NUP160: variants seen among roughly 807,000 people sequenced by gnomAD.
NUP160 encodes nucleoporin 160, also known as nuclear pore complex protein Nup160.
In NUP160, 94 loss-of-function variants were observed where a neutral mutation model predicts 196.9. The ratio of observed to expected loss-of-function variants is 0.48; its 90% CI spans 0.40 to 0.57. NUP160 has a LOEUF of 0.57. NUP160 is among the 20% of genes least tolerant of loss of function. The pLI, the probability that NUP160 is intolerant of heterozygous loss-of-function variation, is 0.00. For missense variants in NUP160, 1,638 were observed against 1,748.3 expected (o/e 0.94, Z 1.13); for synonymous variants, 605 against 619.7 (o/e 0.98, Z 0.35).
intron 2 of NUP160, among the ~76,000 whole-genome samples, chr11:47,846,854 C>G (rs771750362): frequency 7.9e-5 from 12 of 152,142 alleles, no homozygotes; most frequent in Non-Finnish European, 1.6e-4. Flanking sequence ...TCTGATGATC[C>G]TGCCGCCCAA....
Position 47,804,313 on chromosome 11 carries a change from T to TC in NUP160, c.2676+235dup, listed in dbSNP as rs1408762217. 4.5e-5 allele frequency: 19 copies of TC among 421,466 alleles called. No homozygotes were observed. The Admixed American group carries it at 7.7e-4, about 17-fold the overall frequency. 26.1% of individuals were successfully genotyped at this position (421,466 alleles called of 1,614,324 possible). A position where few individuals can be genotyped will look rare whatever the true frequency, so the allele number is the denominator to read the frequency against. On this transcript the variant is annotated intron_variant, in intron 21 of 35. Coordinates refer to ENST00000378460, the Ensembl canonical transcript of NUP160. ...TTTAAAAGCCTTTAGAACCAGGTAT[T>TC]CTCTCAGCCAAGTACTAACCATGCC...
intron 7 of NUP160, among the ~76,000 whole-genome samples, chr11:47,826,570 C>CCT (rs1491138492): frequency 1.3e-3 from 137 of 106,976 alleles, no homozygotes; most frequent in Non-Finnish European, 2.1e-3. Flanking sequence ...TCCCCCCCCC[C>CCT]TTTTTTTTTT....
chr11:47,791,975 C>G, exon 29 of NUP160: 1 of 1,610,826 alleles, frequency 6.2e-7, no homozygotes, highest in East Asian at 2.2e-5. Context: ...TTAGGGGATG[C>G]TCCAGGGCGA....
chr11:47,803,147 A>ATAG (rs1365882215), intron 22 of NUP160, among the ~76,000 whole-genome samples: 1 of 139,476 alleles, frequency 7.2e-6, no homozygotes, highest in Non-Finnish European at 1.6e-5. Context: ...TTACAAAATA[A>ATAG]TAATAATAAT....
chr11:47,822,734 G>A (rs1851889214), intron 7 of NUP160, among the ~76,000 whole-genome samples: 1 of 151,904 alleles, frequency 6.6e-6, no homozygotes, highest in Admixed American at 6.6e-5. Flanking sequence ...CCTACCCCAC[G>A]ACAGGTGCCA....
chr11:47,795,847 G>A (rs964022305), intron 27 of NUP160, among the ~76,000 whole-genome samples: 1 of 151,984 alleles, frequency 6.6e-6, no homozygotes, highest in Non-Finnish European at 1.5e-5. Context: ...GTATGTGAGG[G>A]ATGCGCTATA....
intron 7 of NUP160, among the ~76,000 whole-genome samples, chr11:47,830,567 G>A (rs1476283659): frequency 6.6e-6 from 1 of 152,192 alleles, no homozygotes; most frequent in African/African-American, 2.4e-5. Flanking sequence ...AAACATGGAT[G>A]GAAGTGGAGG....
At chr11:47,801,600 T>G (rs577738922) in intron 23 of NUP160, among the ~76,000 whole-genome samples, 107 of 152,348 alleles carry the variant, frequency 7.0e-4, no homozygotes, top group African/African-American at 2.2e-3. Context: ...TCTGCCTGCT[T>G]TGGCCTCCCA....
intron 33 of NUP160, among the ~76,000 whole-genome samples, chr11:47,783,405 C>T (rs973090021): frequency 1.3e-5 from 2 of 152,072 alleles, no homozygotes; most frequent in African/African-American, 2.4e-5. Context: ...CCCTAAGAGC[C>T]GTTACCTCTA....
chr11:47,840,156 A>ACTTT, intron 3 of NUP160, 91 bp from the exon 4 acceptor site: 1 of 987,338 alleles, frequency 1.0e-6, no homozygotes, highest in Non-Finnish European at 1.5e-6. Flanking sequence ...TTTTTAAAGT[A>ACTTT]AAAAACTGTC....
chr11:47,837,745 G>C, intron 4 of NUP160, 122 bp from the exon 5 acceptor site: 1 of 678,328 alleles, frequency 1.5e-6, no homozygotes, highest in South Asian at 1.8e-5. Context: ...TACTAACAAA[G>C]GTTTAGGATG....
intron 10 of NUP160, 63 bp from the exon 11 acceptor site, chr11:47,818,187 A>T (rs549494578): frequency 1.2e-4 from 130 of 1,054,236 alleles, no homozygotes; most frequent in Non-Finnish European, 1.8e-4. Flanking sequence ...TCAACACATA[A>T]CACCAAAGTT....
At chr11:47,806,349 G>C (rs779333427) in intron 19 of NUP160, 37 bp from the exon 20 acceptor site, 1 of 1,500,264 alleles carries the variant, frequency 6.7e-7, no homozygotes, top group Admixed American at 1.9e-5. Flanking sequence ...TTGTGTAGTG[G>C]TAATTATCAA....
intron 21 of NUP160, 77 bp downstream of exon 21, chr11:47,804,472 A>AC: frequency 1.1e-6 from 1 of 909,844 alleles, no homozygotes; most frequent in Non-Finnish European, 1.7e-6. Flanking sequence ...AATGCAGTTA[A>AC]CATTTACAAA....
At chr11:47,846,145 A>G (rs1852398866) in intron 2 of NUP160, among the ~76,000 whole-genome samples, 1 of 151,470 alleles carries the variant, frequency 6.6e-6, no homozygotes. Context: ...CAAAAAGAAA[A>G]AAAAAAAAAA....
chr11:47,806,241 A>G (rs1404357693), exon 20 of NUP160: 2 of 1,613,754 alleles, frequency 1.2e-6, no homozygotes. Flanking sequence ...GGCTGAGAGA[A>G]GAGGTGAGAT....
intron 29 of NUP160, among the ~76,000 whole-genome samples, chr11:47,790,086 C>T (rs1297940988): frequency 6.6e-6 from 1 of 151,516 alleles, no homozygotes. Flanking sequence ...GCTAGGATTA[C>T]AGGAATGCGC....
intron 31 of NUP160, among the ~76,000 whole-genome samples, chr11:47,787,883 A>G (rs1293900066): frequency 6.6e-6 from 1 of 151,882 alleles, no homozygotes; most frequent in African/African-American, 2.4e-5. Flanking sequence ...ACGCCCGACT[A>G]ATTTTTTTTG....
chr11:47,824,481 G>A (rs949834614), intron 7 of NUP160, among the ~76,000 whole-genome samples: 2 of 151,722 alleles, frequency 1.3e-5, no homozygotes, highest in African/African-American at 4.8e-5. Context: ...GCAGTGGCAC[G>A]TACCTGTAGT....
Sources: gnomAD v4.1 joint callset for allele counts (sites outside exome capture counted in the v4.1 genomes callset) on GRCh38, gnomAD v4.1.1 for gene constraint, MANE v1.5 for transcripts, NCBI Gene and HGNC (gene_info 2026-07-23, HGNC 2026-07-21) for gene names.